GALNT2: variants seen among roughly 807,000 people sequenced by gnomAD.
GALNT2 encodes the protein UDP-GalNAc:polypeptide N-acetylgalactosaminyltransferase 2.
A neutral mutation model predicts 81.4 loss-of-function variants in GALNT2; 31 were observed. The observed-to-expected ratio is 0.38, with a 90% CI of 0.29 to 0.51. The LOEUF is 0.51. Among genes scored for constraint, GALNT2 ranks in the 20% least tolerant of loss-of-function variants. GALNT2 has a pLI of 0.87. For missense variants in GALNT2, 629 were observed against 765.7 expected, an observed-to-expected ratio of 0.82 and a Z score of 2.11; for synonymous variants, 303 against 287.4, an observed-to-expected ratio of 1.05 and a Z score of -0.55.
chr1:230,156,703 A>C (rs1662268094), intron 1 of GALNT2, among the ~76,000 whole-genome samples: 1 of 152,018 alleles, frequency 6.6e-6, no homozygotes, highest in African/African-American at 2.4e-5. Context: ...GCAATGTGGA[A>C]CTCGGGGCCA....
At chr1:230,069,257 G>GT (rs1553309219) in intron 1 of GALNT2, among the ~76,000 whole-genome samples, 118 of 124,894 alleles carry the variant, frequency 9.4e-4, no homozygotes, top group African/African-American at 6.1e-3. Flanking sequence ...GTGATTCTTA[G>GT]TTTGTTTTTT....
chr1:230,182,669 A>G (rs1003574922), intron 2 of GALNT2, among the ~76,000 whole-genome samples: 1 of 152,190 alleles, frequency 6.6e-6, no homozygotes, highest in Non-Finnish European at 1.5e-5. Context: ...CTTTTGGTGA[A>G]TGTTCCATGT....
chr1:230,248,327 A>G (rs1477085626), intron 8 of GALNT2, among the ~76,000 whole-genome samples: 3 of 152,230 alleles, frequency 2.0e-5, no homozygotes, highest in Non-Finnish European at 4.4e-5. Flanking sequence ...TGCATGCCCT[A>G]GAGTCATTAG....
intron 1 of GALNT2, among the ~76,000 whole-genome samples, chr1:230,115,637 G>T (rs547129126): frequency 1.3e-5 from 2 of 152,288 alleles, no homozygotes; most frequent in African/African-American, 4.8e-5. Flanking sequence ...GAAGGTTGAG[G>T]TGGTGGCTGC....
intron 2 of GALNT2, among the ~76,000 whole-genome samples, chr1:230,187,029 A>G (rs913667654): frequency 3.3e-5 from 5 of 152,232 alleles, no homozygotes; most frequent in African/African-American, 1.2e-4. Context: ...CCAGTGTGTC[A>G]GTGGTGTGTT....
In GALNT2 at chr1:230,245,240, G is replaced by C. The variant is rs554543126; in HGVS notation, c.730-823G>C. On this transcript the variant is annotated intron_variant, in intron 7 of 15. Coordinates refer to ENST00000366672, the MANE Select transcript of GALNT2 (RefSeq NM_004481.5). ...GCACTTTGGGAGGCCGAGGCAGGCA[G>C]ATCACCTGAGGTCAGAAGTTCAAGA... is the stretch of plus-strand genomic sequence containing the variant. Among the ~76,000 whole-genome samples the C allele has an allele frequency of 3.5e-4, 53 of 152,204 alleles. 2 individuals are homozygous for C. The highest frequency in any genetic ancestry group is 1.3e-3 in the African/African-American group (53 of 41,518).
intron 1 of GALNT2, among the ~76,000 whole-genome samples, chr1:230,071,198 G>A (rs1053563354): frequency 5.3e-5 from 8 of 152,174 alleles, no homozygotes; most frequent in South Asian, 2.1e-4. Context: ...GAAAATAGTC[G>A]TCTTTCTTTT....
At chr1:230,276,905 A>C (rs1666319958) in intron 15 of GALNT2, among the ~76,000 whole-genome samples, 1 of 152,196 alleles carries the variant, frequency 6.6e-6, no homozygotes, top group African/African-American at 2.4e-5. Flanking sequence ...GTACTGGGTG[A>C]GTCTCAAACA....
chr1:230,174,547 C>G (rs903733363), intron 1 of GALNT2, among the ~76,000 whole-genome samples: 1 of 151,698 alleles, frequency 6.6e-6, no homozygotes, highest in African/African-American at 2.4e-5. Flanking sequence ...GGACATCACA[C>G]CTGTGTAGGA....
At chr1:230,061,408 C>T (rs979565229) in intron 1 of GALNT2, among the ~76,000 whole-genome samples, 4 of 152,094 alleles carry the variant, frequency 2.6e-5, no homozygotes, top group Non-Finnish European at 5.9e-5. Flanking sequence ...AATACAATTG[C>T]TATACCCATA....
rs112988108 is a variant in GALNT2, at chr1:230,059,757, C to T, written n.89+1679C>T. On this transcript the variant is annotated intron_variant and non_coding_transcript_variant, in intron 1 of 6. Coordinates refer to the GALNT2 transcript ENST00000494106. ...TTCACCTATGTCCTTTACCCAGACT[C>T]GCCATTTTAAAATATTTTGCCACTT... Among the ~76,000 whole-genome samples, 880 of 152,258 alleles carry T rather than the reference C, an allele frequency of 5.8e-3. 12 individuals carry two copies. Among genetic ancestry groups the T allele is most frequent in the African/African-American group, 0.02 (814 of 41,528 alleles).
chr1:230,252,307 G>A (rs773923714), intron 10 of GALNT2, among the ~76,000 whole-genome samples: 24 of 152,182 alleles, frequency 1.6e-4, no homozygotes, highest in Non-Finnish European at 2.8e-4. Context: ...CCTCCTCAAC[G>A]TGTGCCCCGC....
At chr1:230,109,256 G>C (rs564564863) in intron 1 of GALNT2, among the ~76,000 whole-genome samples, 1 of 152,198 alleles carries the variant, frequency 6.6e-6, no homozygotes, top group Non-Finnish European at 1.5e-5. Flanking sequence ...CAGGTGAGCG[G>C]GTGCAGGGAG....
intron 1 of GALNT2, among the ~76,000 whole-genome samples, chr1:230,151,796 A>G (rs1230198072): frequency 2.0e-5 from 3 of 152,204 alleles, no homozygotes; most frequent in African/African-American, 7.2e-5. Flanking sequence ...TACAAAAGTA[A>G]AGGAATAAAA....
At chr1:230,219,393 C>T (rs936256833) in intron 3 of GALNT2, among the ~76,000 whole-genome samples, 4 of 152,048 alleles carry the variant, frequency 2.6e-5, no homozygotes, top group Admixed American at 6.5e-5. Flanking sequence ...TGTACTGGCG[C>T]GTGGGACCAT....
chr1:230,240,464 C>T (rs186475185), intron 6 of GALNT2, among the ~76,000 whole-genome samples: 19 of 152,216 alleles, frequency 1.2e-4, no homozygotes, highest in Admixed American at 2.6e-4. Flanking sequence ...TGGTGGCATG[C>T]GCCTGTAGTC....
intron 1 of GALNT2, among the ~76,000 whole-genome samples, chr1:230,072,814 A>T (rs1034630226): frequency 5.3e-5 from 8 of 152,174 alleles, no homozygotes; most frequent in African/African-American, 1.9e-4. Context: ...AAAGGGTTGA[A>T]TCCTGACACT....
At chr1:230,205,361 A>AGT (rs140567524) in intron 3 of GALNT2, among the ~76,000 whole-genome samples, 522 of 151,922 alleles carry the variant, frequency 3.4e-3, no homozygotes, top group Non-Finnish European at 6.0e-3. Flanking sequence ...GCCATGGAAA[A>AGT]GTGTGTGTGT....
intron 2 of GALNT2, among the ~76,000 whole-genome samples, chr1:230,199,476 C>T (rs745314125): frequency 6.6e-6 from 1 of 152,128 alleles, no homozygotes; most frequent in Non-Finnish European, 1.5e-5. Flanking sequence ...AAGCCAGTTT[C>T]GAGAGATACC....
Sources: gnomAD v4.1 joint callset for allele counts (sites outside exome capture counted in the v4.1 genomes callset) on GRCh38, gnomAD v4.1.1 for gene constraint, MANE v1.5 for transcripts, NCBI Gene and HGNC (gene_info 2026-07-23, HGNC 2026-07-21) for gene names.